The following ABTB2 variants were observed in gnomAD, a reference collection of about 807,000 sequenced individuals.
The protein encoded by ABTB2 is ankyrin repeat and BTB domain containing 2.
In ABTB2, 56 loss-of-function variants were observed where a neutral mutation model predicts 104.1. The observed-to-expected ratio is 0.54, with a 90% confidence interval of 0.43 to 0.67. The LOEUF (loss-of-function observed/expected upper bound fraction) is 0.67, where lower values mean the gene tolerates loss of function less well. Ranked by LOEUF, ABTB2 falls within the 30% of genes least tolerant of loss-of-function variation. The pLI is 0.00. For missense variants in ABTB2, 1,279 were observed against 1,407.7 expected (o/e 0.91, Z 1.46); for synonymous variants, 606 against 608.2 (o/e 1.00, Z 0.05).
chr11:34,309,817 G>A (rs886297837), intron 1 of ABTB2, among the ~76,000 whole-genome samples: 3 of 151,988 alleles, frequency 2.0e-5, no homozygotes, highest in Non-Finnish European at 2.9e-5. Flanking sequence ...GGGAAAAACA[G>A]TATTGTCAAG....
intron 1 of ABTB2, among the ~76,000 whole-genome samples, chr11:34,315,655 G>C (rs577279859): frequency 1.3e-5 from 2 of 152,328 alleles, no homozygotes; most frequent in African/African-American, 2.4e-5. Context: ...AGCAGACATG[G>C]GCAGGGAGAG....
chr11:34,257,846 ACCTCAC>A (rs776591950), intron 1 of ABTB2, among the ~76,000 whole-genome samples: 2 of 151,974 alleles, frequency 1.3e-5, no homozygotes, highest in Non-Finnish European at 2.9e-5. Flanking sequence ...CAATCCACCT[ACCTCAC>A]CCTCCCAAAG....
intron 1 of ABTB2, among the ~76,000 whole-genome samples, chr11:34,244,958 A>G (rs1447764802): frequency 6.6e-6 from 1 of 152,106 alleles, no homozygotes; most frequent in Non-Finnish European, 1.5e-5. Flanking sequence ...GATTAAGCAG[A>G]GATCACGCCA....
chr11:34,234,850 T>TTTTA (rs1167581340), intron 1 of ABTB2, among the ~76,000 whole-genome samples: 26 of 152,220 alleles, frequency 1.7e-4, no homozygotes, highest in South Asian at 6.2e-4. Flanking sequence ...ATTGTGTTTA[T>TTTTA]TTTATTTATT....
intron 1 of ABTB2, among the ~76,000 whole-genome samples, chr11:34,320,091 A>G (rs1032082766): frequency 2.6e-5 from 4 of 152,232 alleles, no homozygotes; most frequent in African/African-American, 7.2e-5. Flanking sequence ...TAGTGAGTAT[A>G]AAGCATTTAG....
intron 1 of ABTB2, among the ~76,000 whole-genome samples, chr11:34,287,959 A>C (rs922007961): frequency 6.6e-6 from 1 of 152,202 alleles, no homozygotes; most frequent in African/African-American, 2.4e-5. Context: ...TGATGGCCAG[A>C]GATGATCAAG....
At chr11:34,267,984 G>A (rs540705362) in intron 1 of ABTB2, among the ~76,000 whole-genome samples, 6 of 152,100 alleles carry the variant, frequency 3.9e-5, no homozygotes, top group Non-Finnish European at 7.4e-5. Context: ...AGGCTGGAGT[G>A]CAGTGGCTTG....
intron 1 of ABTB2, chr11:34,335,533 G>A (rs10836186): frequency 0.068 from 82,771 of 1,213,384 alleles, 5,051 homozygotes; most frequent in East Asian, 0.35. Context: ...AAATCTTTTC[G>A]CCACAATTCT....
At chr11:34,249,205 CA>C (rs1178478798) in intron 1 of ABTB2, among the ~76,000 whole-genome samples, 1 of 152,212 alleles carries the variant, frequency 6.6e-6, no homozygotes, top group Non-Finnish European at 1.5e-5. Context: ...CGTGAATGCG[CA>C]GCCTTGAGGG....
chr11:34,190,518 C>T (rs11032543), intron 3 of ABTB2, among the ~76,000 whole-genome samples: 18 of 152,156 alleles, frequency 1.2e-4, no homozygotes, highest in African/African-American at 3.1e-4. Flanking sequence ...CTTTATCATT[C>T]TCCTAGAGCC....
At chr11:34,174,994 C>G (rs1039800037) in intron 3 of ABTB2, among the ~76,000 whole-genome samples, 7 of 152,276 alleles carry the variant, frequency 4.6e-5, no homozygotes, top group African/African-American at 1.7e-4. Context: ...TCCCTCGGGG[C>G]TCTTGGAGCG....
At position 34,207,690 on chromosome 11, in the gene ABTB2, A is replaced by G. The variant is rs7941778; in HGVS notation, c.884-3000T>C. ...TACAGCTGAGAAAACTGAGGCCTGA[A>G]AAGTTTAGTGGCTTGCCTAAGGTCA... On this transcript the variant is annotated intron_variant, in intron 1 of 16. Transcript: ENST00000435224. Among the ~76,000 whole-genome samples, 1,418 of 152,326 alleles carry G rather than the reference A, an allele frequency of 9.3e-3. 17 individuals are homozygous for G. Among genetic ancestry groups the G allele is most frequent in the African/African-American group, 0.032 (1,333 of 41,586 alleles).
chr11:34,288,414 G>T (rs1044045484), intron 1 of ABTB2, among the ~76,000 whole-genome samples: 2 of 152,090 alleles, frequency 1.3e-5, no homozygotes, highest in Non-Finnish European at 2.9e-5. Context: ...AAAAGATAAG[G>T]TCACTCTTCA....
intron 1 of ABTB2, among the ~76,000 whole-genome samples, chr11:34,213,467 C>T (rs901768453): frequency 3.9e-5 from 6 of 152,042 alleles, no homozygotes; most frequent in African/African-American, 9.7e-5. Flanking sequence ...GGCAAGAGAG[C>T]GAGACGCCAT....
intron 1 of ABTB2, among the ~76,000 whole-genome samples, chr11:34,353,908 C>G (rs1044700900): frequency 3.3e-5 from 5 of 152,192 alleles, no homozygotes; most frequent in Non-Finnish European, 1.5e-5. Context: ...AAACCGTTAC[C>G]TTGCTGGCCT....
chr11:34,315,709 G>T (rs1307183133), intron 1 of ABTB2, among the ~76,000 whole-genome samples: 3 of 152,180 alleles, frequency 2.0e-5, no homozygotes, highest in Non-Finnish European at 2.9e-5. Context: ...CTTTACTGTG[G>T]TAAGTATAGT....
intron 1 of ABTB2, among the ~76,000 whole-genome samples, chr11:34,348,719 G>C (rs1380460964): frequency 6.6e-6 from 1 of 152,166 alleles, no homozygotes; most frequent in Non-Finnish European, 1.5e-5. Context: ...CTACCTTCCA[G>C]AGGAGCTGGG....
chr11:34,253,301 G>A (rs931463494), intron 1 of ABTB2, among the ~76,000 whole-genome samples: 7 of 152,134 alleles, frequency 4.6e-5, no homozygotes, highest in Non-Finnish European at 5.9e-5. Flanking sequence ...TGTTCATGTC[G>A]GCAACTCCTG....
At chr11:34,270,583 G>A (rs906568992) in intron 1 of ABTB2, among the ~76,000 whole-genome samples, 4 of 152,048 alleles carry the variant, frequency 2.6e-5, no homozygotes, top group African/African-American at 4.8e-5. Context: ...CAGGTGATCC[G>A]CCCGCCTCAG....
Sources: allele counts gnomAD v4.1 joint callset (sites outside exome capture counted in the v4.1 genomes callset), GRCh38; gene constraint gnomAD v4.1.1; transcripts MANE v1.5; gene names NCBI Gene and HGNC (gene_info 2026-07-23, HGNC 2026-07-21).